Variants in PTCHD4 observed in about 807,000 individuals in gnomAD.
PTCHD4 encodes the protein patched domain-containing protein 4.
In PTCHD4, 33 loss-of-function variants were observed where a neutral mutation model predicts 58.1. The ratio of observed to expected loss-of-function variants is 0.57; its 90% CI spans 0.43 to 0.76. PTCHD4 has a LOEUF of 0.76. Among genes scored for constraint, PTCHD4 ranks in the 30% least tolerant of loss-of-function variants. PTCHD4 has a pLI of 0.00. For synonymous variants in PTCHD4, 478 were observed against 409.6 expected (o/e 1.17, Z -2.02); for missense variants, 1,058 against 1,027.1 (o/e 1.03, Z -0.41).
Position 47,864,690 on chromosome 6 carries a change from G to A in PTCHD4, c.*13613C>T, listed in dbSNP as rs902589165. Reference sequence around the variant, plus strand: ...CACGTATTTTAGTTCTATGACTGTAGAAGAATACAAAGAGTTCATATGGAT... The same window carrying A: ...CACGTATTTTAGTTCTATGACTGTAAAAGAATACAAAGAGTTCATATGGAT... On this transcript the variant is annotated 3_prime_UTR_variant, in exon 5 of 5. Coordinates refer to ENST00000339488, the MANE Select transcript of PTCHD4 (RefSeq NM_001384253.1). Among the ~76,000 whole-genome samples, 3 of 149,362 alleles carry A rather than the reference G, an allele frequency of 2.0e-5. No individual in the cohort carries two copies. The highest frequency in any genetic ancestry group is 4.5e-5 in the Non-Finnish European group (3 of 67,220).
intron 1 of PTCHD4, among the ~76,000 whole-genome samples, chr6:48,102,063 AC>A (rs1432100469): frequency 3.9e-5 from 6 of 152,144 alleles, no homozygotes; most frequent in Non-Finnish European, 1.5e-5. Flanking sequence ...CTAGACTCAG[AC>A]CCCAGGCTAC....
At chr6:48,089,533 CCAA>C (rs1187373369) in intron 1 of PTCHD4, among the ~76,000 whole-genome samples, 2 of 152,106 alleles carry the variant, frequency 1.3e-5, no homozygotes, top group Admixed American at 1.3e-4. Context: ...CGATTAGAGA[CCAA>C]CAATGAATCT....
At chr6:47,966,192 G>A (rs1279766715) in intron 4 of PTCHD4, among the ~76,000 whole-genome samples, 1 of 152,108 alleles carries the variant, frequency 6.6e-6, no homozygotes. Context: ...TGATTATATA[G>A]CAGGTTCAGT....
intron 4 of PTCHD4, among the ~76,000 whole-genome samples, chr6:47,937,695 A>G (rs1766054365): frequency 6.6e-6 from 1 of 152,194 alleles, no homozygotes; most frequent in South Asian, 2.1e-4. Context: ...GGACTGGATG[A>G]TACCACTGCA....
chr6:47,906,961 G>C (rs1422369396), intron 4 of PTCHD4, among the ~76,000 whole-genome samples: 1 of 152,156 alleles, frequency 6.6e-6, no homozygotes, highest in Non-Finnish European at 1.5e-5. Context: ...GAAAGAGACA[G>C]GAAATGTCAA....
chr6:47,883,906 C>T (rs1764100025), intron 4 of PTCHD4, among the ~76,000 whole-genome samples: 1 of 152,176 alleles, frequency 6.6e-6, no homozygotes, highest in Non-Finnish European at 1.5e-5. Flanking sequence ...CACTCATACA[C>T]ACACATACTT....
chr6:48,073,348 C>T (rs1438023664), intron 1 of PTCHD4, among the ~76,000 whole-genome samples: 1 of 152,118 alleles, frequency 6.6e-6, no homozygotes, highest in East Asian at 1.9e-4. Flanking sequence ...GAGTTCTAGG[C>T]CAATTCCATA....
intron 4 of PTCHD4, among the ~76,000 whole-genome samples, chr6:47,885,911 C>T (rs961036128): frequency 7.2e-5 from 11 of 152,130 alleles, no homozygotes; most frequent in East Asian, 1.9e-4. Flanking sequence ...CTCTGCCTCC[C>T]GGGTTCAAGT....
chr6:48,008,561 C>T (rs759355778), intron 4 of PTCHD4, 73 bp downstream of exon 4: 360 of 1,486,718 alleles, frequency 2.4e-4, no homozygotes, highest in Non-Finnish European at 3.2e-4. Context: ...AGATTTCCAC[C>T]TGAGAATTCA....
chr6:48,008,127 A>G (rs1329274971), intron 4 of PTCHD4, among the ~76,000 whole-genome samples: 1 of 152,230 alleles, frequency 6.6e-6, no homozygotes, highest in Non-Finnish European at 1.5e-5. Context: ...GTTTATACAG[A>G]GGTAGGGGAA....
intron 3 of PTCHD4, among the ~76,000 whole-genome samples, chr6:48,014,996 A>G (rs1762818151): frequency 6.6e-6 from 1 of 152,162 alleles, no homozygotes; most frequent in Non-Finnish European, 1.5e-5. Flanking sequence ...CCTCTCCACT[A>G]AGGCAACTGC....
rs2114091320 is a variant in PTCHD4 at position 47,877,061 on chromosome 6, G to A, written c.*1242C>T. Among the ~76,000 whole-genome samples the A allele has an allele frequency of 6.6e-6, 1 of 152,098 alleles. No individual in the cohort carries two copies. The highest frequency in any genetic ancestry group is 2.1e-4 in the South Asian group (1 of 4,820). ...CTATAGTGATCATGGCCTGGGTTAT[G>A]TTCCAAATACTAATGCAAGGAATAC... On this transcript the variant is annotated 3_prime_UTR_variant, in exon 5 of 5. Coordinates refer to ENST00000339488, the MANE Select transcript of PTCHD4 (RefSeq NM_001384253.1).
chr6:47,882,595 C>T (rs1764049873), intron 4 of PTCHD4, among the ~76,000 whole-genome samples: 2 of 151,700 alleles, frequency 1.3e-5, no homozygotes, highest in African/African-American at 4.8e-5. Context: ...CCTCATTAGT[C>T]TTATCTTCTT....
At chr6:47,934,274 C>T (rs1765926725) in intron 4 of PTCHD4, among the ~76,000 whole-genome samples, 1 of 152,072 alleles carries the variant, frequency 6.6e-6, no homozygotes, top group Admixed American at 6.6e-5. Flanking sequence ...TGAGAGAGTT[C>T]CTGTTTCCCC....
chr6:47,863,984 A>T lies in PTCHD4; in HGVS notation c.*14319T>A, dbSNP rs191299380. On this transcript the variant is annotated 3_prime_UTR_variant, in exon 5 of 5. Coordinates refer to ENST00000339488, the MANE Select transcript of PTCHD4 (RefSeq NM_001384253.1). ...TTCAACTATGCAGCCTTTCAGGCCT[A>T]GTGGTGAGAAGCTGACCTTTGTCCT... is the stretch of plus-strand genomic sequence containing the variant. Among the ~76,000 whole-genome samples, 464 of 152,114 alleles carry T rather than the reference A, an allele frequency of 3.1e-3. 3 individuals are homozygous for T. The highest frequency in any genetic ancestry group is 0.011 in the African/African-American group (441 of 41,550).
intron 3 of PTCHD4, among the ~76,000 whole-genome samples, chr6:48,049,908 C>A (rs1297319146): frequency 6.6e-6 from 1 of 151,810 alleles, no homozygotes; most frequent in Admixed American, 6.6e-5. Context: ...CTACCAGTTT[C>A]CCCCAGTCAA....
intron 3 of PTCHD4, among the ~76,000 whole-genome samples, chr6:48,020,098 G>A (rs1465466434): frequency 6.6e-6 from 1 of 152,094 alleles, no homozygotes; most frequent in Non-Finnish European, 1.5e-5. Flanking sequence ...AGTGAAAATT[G>A]TGAAATTTGC....
In PTCHD4 at chr6:47,867,033, G is replaced by A. The variant is rs749660952; in HGVS notation, c.*11270C>T. ...GAAAAGATGATATATTTTACCATAG[G>A]GACATAGTACTTGTTTACAATGTTT... On this transcript the variant is annotated 3_prime_UTR_variant, in exon 5 of 5. Transcript: ENST00000339488. Among the ~76,000 whole-genome samples the A allele has an allele frequency of 2.6e-5, 4 of 151,762 alleles. No homozygotes were observed. Among genetic ancestry groups the A allele is most frequent in the Middle Eastern group, 3.4e-3 (1 of 294 alleles).
intron 3 of PTCHD4, among the ~76,000 whole-genome samples, chr6:48,049,341 G>T (rs116010575): frequency 6.6e-6 from 1 of 151,822 alleles, no homozygotes; most frequent in Non-Finnish European, 1.5e-5. Flanking sequence ...CACATGTTTC[G>T]AGTTCTCTGA....
Sources: allele counts gnomAD v4.1 joint callset (sites outside exome capture counted in the v4.1 genomes callset), GRCh38; gene constraint gnomAD v4.1.1; transcripts MANE v1.5; gene names NCBI Gene and HGNC (gene_info 2026-07-23, HGNC 2026-07-21).